RANBP2: variants seen among roughly 807,000 people sequenced by gnomAD.
RANBP2 encodes E3 SUMO-protein ligase RanBP2.
RANBP2 carries 57 observed loss-of-function variants against 303.6 expected under a neutral mutation model. The observed-to-expected ratio is 0.19, with a 90% confidence interval of 0.15 to 0.23. The LOEUF is 0.23. Among genes scored for constraint, RANBP2 ranks in the 10% least tolerant of loss-of-function variants. The probability of loss-of-function intolerance (pLI) is 1.00; values close to 1 mark genes in which losing one functional copy is unlikely to be tolerated. For missense variants in RANBP2, 3,138 were observed against 3,780.8 expected (o/e 0.83, Z 4.46); for synonymous variants, 1,167 against 1,301.5 (o/e 0.90, Z 2.23).
At chr2:109,230,220 A>T in the RANBP2 span, among the ~76,000 whole-genome samples, 1 of 151,782 alleles carries the variant, frequency 6.6e-6, no homozygotes, top group East Asian at 1.9e-4. Flanking sequence ...TCAACTTGGG[A>T]TGGTTTGACT....
the RANBP2 span, among the ~76,000 whole-genome samples, chr2:109,567,230 CA>C: frequency 6.6e-6 from 1 of 152,104 alleles, no homozygotes; most frequent in South Asian, 2.1e-4. Flanking sequence ...TTAGTAACTC[CA>C]ATGGACATAT....
the RANBP2 span, among the ~76,000 whole-genome samples, chr2:109,638,328 G>A: frequency 4.6e-5 from 7 of 152,260 alleles, no homozygotes; most frequent in African/African-American, 1.2e-4. Flanking sequence ...TAAACACTAC[G>A]TTTGCTCTCT....
At chr2:109,671,227 G>A in the RANBP2 span, among the ~76,000 whole-genome samples, 14,017 of 152,234 alleles carry the variant, frequency 0.092, 768 homozygotes, top group East Asian at 0.24. Flanking sequence ...AGCTTGCCTC[G>A]CTGTGAGTTG....
At chr2:108,743,080 C>T (rs550697872) in intron 7 of RANBP2, among the ~76,000 whole-genome samples, 186 of 152,264 alleles carry the variant, frequency 1.2e-3, no homozygotes, top group African/African-American at 4.4e-3. Flanking sequence ...TGAGCCACCG[C>T]GCCCTGCCAA....
the RANBP2 span, among the ~76,000 whole-genome samples, chr2:108,960,756 T>C: frequency 6.6e-6 from 1 of 152,352 alleles, no homozygotes; most frequent in Non-Finnish European, 1.5e-5. Context: ...TTACTATGTA[T>C]AGATATATAG....
chr2:109,521,048 T>G, the RANBP2 span, among the ~76,000 whole-genome samples: 1 of 150,996 alleles, frequency 6.6e-6, no homozygotes, highest in South Asian at 2.1e-4. Flanking sequence ...AAACCCCGTC[T>G]CTACTAAAAA....
At chr2:109,480,626 GGGA>G in the RANBP2 span, among the ~76,000 whole-genome samples, 1 of 152,060 alleles carries the variant, frequency 6.6e-6, no homozygotes, top group Admixed American at 6.6e-5. Context: ...GCTGCCCTGT[GGGA>G]GGAGGAGGAG....
chr2:109,131,473 T>C, the RANBP2 span, among the ~76,000 whole-genome samples: 3 of 152,252 alleles, frequency 2.0e-5, no homozygotes, highest in African/African-American at 7.2e-5. Flanking sequence ...ATAAGTGGGT[T>C]ACCTTCTTCT....
At chr2:109,455,966 G>A in the RANBP2 span, among the ~76,000 whole-genome samples, 3 of 152,228 alleles carry the variant, frequency 2.0e-5, no homozygotes, top group Non-Finnish European at 4.4e-5. Context: ...ATTCACCCAC[G>A]TGGGAACCAT....
the RANBP2 span, among the ~76,000 whole-genome samples, chr2:109,468,246 C>T: frequency 6.6e-6 from 1 of 152,040 alleles, no homozygotes; most frequent in African/African-American, 2.4e-5. Flanking sequence ...AAAACCTGCA[C>T]AGCATGTGAC....
chr2:109,150,083 C>T, the RANBP2 span, among the ~76,000 whole-genome samples: 7 of 152,298 alleles, frequency 4.6e-5, no homozygotes, highest in African/African-American at 1.4e-4. Context: ...GATGCCAGTG[C>T]TGGGGTGAGC....
At chr2:109,571,286 C>T in the RANBP2 span, among the ~76,000 whole-genome samples, 2 of 152,134 alleles carry the variant, frequency 1.3e-5, no homozygotes, top group African/African-American at 4.8e-5. Flanking sequence ...CGAGAACGGA[C>T]TAATAAACAT....
chr2:108,866,907 A>G, the RANBP2 span, among the ~76,000 whole-genome samples: 2 of 152,064 alleles, frequency 1.3e-5, no homozygotes, highest in Non-Finnish European at 2.9e-5. Context: ...GAAATGAGTA[A>G]AATATTACCT....
the RANBP2 span, among the ~76,000 whole-genome samples, chr2:109,209,164 G>A: frequency 6.6e-6 from 1 of 152,212 alleles, no homozygotes; most frequent in Non-Finnish European, 1.5e-5. Context: ...GCTGTGGTCT[G>A]CCTGGGCATC....
the RANBP2 span, among the ~76,000 whole-genome samples, chr2:109,125,342 G>A: frequency 3.3e-5 from 5 of 152,170 alleles, no homozygotes; most frequent in East Asian, 1.9e-4. Context: ...CATGTGGAGC[G>A]TCTTCCAAAT....
the RANBP2 span, among the ~76,000 whole-genome samples, chr2:109,527,642 C>T: frequency 1.3e-5 from 2 of 152,050 alleles, no homozygotes; most frequent in African/African-American, 4.8e-5. Context: ...GTTTTAGTCA[C>T]GTCAGGTGTT....
the RANBP2 span, among the ~76,000 whole-genome samples, chr2:109,459,033 G>A: frequency 6.6e-6 from 1 of 152,076 alleles, no homozygotes; most frequent in African/African-American, 2.4e-5. Context: ...TGCCTAATAT[G>A]ATACAACAAG....
Position 108,784,089 on chromosome 2 carries a change from G to A in RANBP2, c.*188G>A, listed in dbSNP as rs1678448891. 1.7e-6 allele frequency: 1 copy of A among 587,932 alleles called. No individual in the cohort carries two copies. The highest frequency in any genetic ancestry group is 2.1e-5 in the South Asian group (1 of 47,454). 36.4% of individuals were successfully genotyped at this position (587,932 alleles called of 1,614,324 possible). A position where few individuals can be genotyped will look rare whatever the true frequency, so the allele number is the denominator to read the frequency against. ...TGACCTTGCATGGTGTGAAATAAAA[G>A]TTTAAACACTGGTGTATTTCAGGTG... is the stretch of plus-strand genomic sequence containing the variant. On this transcript the variant is annotated 3_prime_UTR_variant, in exon 29 of 29. Coordinates refer to ENST00000283195, the MANE Select transcript of RANBP2 (RefSeq NM_006267.5).
At chr2:109,743,911 T>C in the RANBP2 span, among the ~76,000 whole-genome samples, 2 of 93,934 alleles carry the variant, frequency 2.1e-5, 1 homozygote, top group African/African-American at 5.9e-5. Flanking sequence ...TCACTTAGGA[T>C]GATGGACTGC....
Sources: gnomAD v4.1 joint callset for allele counts (sites outside exome capture counted in the v4.1 genomes callset) on GRCh38, gnomAD v4.1.1 for gene constraint, MANE v1.5 for transcripts, NCBI Gene and HGNC (gene_info 2026-07-23, HGNC 2026-07-21) for gene names.